Variants in DCLRE1C observed in about 807,000 individuals in gnomAD.
DCLRE1C encodes protein artemis.
A neutral mutation model predicts 61.4 loss-of-function variants in DCLRE1C; 47 were observed. The ratio of observed to expected loss-of-function variants is 0.77; its 90% CI spans 0.61 to 0.98. The LOEUF (loss-of-function observed/expected upper bound fraction) is 0.98. Among genes scored for constraint, DCLRE1C ranks in the 50% least tolerant of loss-of-function variants. DCLRE1C has a pLI of 0.00. For synonymous variants in DCLRE1C, 337 were observed against 287.6 expected (o/e 1.17, Z -1.74); for missense variants, 858 against 816.0 (o/e 1.05, Z -0.63).
intron 12 of DCLRE1C, among the ~76,000 whole-genome samples, chr10:14,922,114 A>AG (rs1837216015): frequency 6.6e-6 from 1 of 152,188 alleles, no homozygotes; most frequent in Non-Finnish European, 1.5e-5. Context: ...TTGGAACCCA[A>AG]GCTCCATTCC....
intron 13 of DCLRE1C, among the ~76,000 whole-genome samples, chr10:14,914,420 C>T (rs916210428): frequency 2.0e-5 from 3 of 152,176 alleles, no homozygotes; most frequent in Non-Finnish European, 4.4e-5. Context: ...GGCAAGTCCA[C>T]AATTACAACT....
intron 11 of DCLRE1C, among the ~76,000 whole-genome samples, chr10:14,924,263 C>T (rs1837592512): frequency 2.6e-5 from 4 of 152,368 alleles, no homozygotes; most frequent in Middle Eastern, 3.4e-3. Context: ...AGACTGTGCA[C>T]ATAGACTGCC....
chr10:14,941,772 G>A (rs891930282), intron 3 of DCLRE1C, among the ~76,000 whole-genome samples: 5 of 152,022 alleles, frequency 3.3e-5, no homozygotes, highest in African/African-American at 4.8e-5. Context: ...TAAGTGTCAT[G>A]AGCACCCCCC....
chr10:14,899,331 T>C, intron 13 of DCLRE1C: 2 of 688,732 alleles, frequency 2.9e-6, no homozygotes, highest in Admixed American at 2.2e-5. Context: ...AAAAAAAAGG[T>C]CATCAGTCTT....
chr10:14,923,264 C>G (rs1317330388), intron 11 of DCLRE1C, 195 bp from the exon 12 acceptor site: 1 of 581,966 alleles, frequency 1.7e-6, no homozygotes, highest in Non-Finnish European at 3.1e-6. Flanking sequence ...CCAAAGATCT[C>G]CTGAACACTG....
In DCLRE1C at chr10:14,936,519, A is replaced by T. The variant is rs376946731; in HGVS notation, c.362+19T>A. 57 of 1,604,012 alleles carry T rather than the reference A, an allele frequency of 3.6e-5. No individual in the cohort carries two copies. The highest frequency in any genetic ancestry group is 4.6e-5 in the Non-Finnish European group (54 of 1,171,288). Reference sequence around the variant, plus strand: ...TGTGTCTACATATAATAAAATGACAAAATAAATGACCCCCTTACATAACTG... The same window carrying T: ...TGTGTCTACATATAATAAAATGACATAATAAATGACCCCCTTACATAACTG... On this transcript the variant is annotated intron_variant, in intron 5 of 13. Coordinates refer to ENST00000378278, the MANE Select transcript of DCLRE1C (RefSeq NM_001033855.3).
chr10:14,945,023 CTG>C (rs1841462108), intron 3 of DCLRE1C, 80 bp downstream of exon 3: 1 of 1,066,990 alleles, frequency 9.4e-7, no homozygotes, highest in African/African-American at 1.6e-5. Flanking sequence ...ATGTTACAAA[CTG>C]AGGCAAAGTT....
intron 12 of DCLRE1C, among the ~76,000 whole-genome samples, chr10:14,920,812 T>C (rs12573229): frequency 0.091 from 13,845 of 151,814 alleles, 1,282 homozygotes; most frequent in East Asian, 0.28. Context: ...TAAGACCCCG[T>C]CTCTATTAAA....
At position 14,937,577 on chromosome 10, in the gene DCLRE1C, C is replaced by G. The variant is rs996387009; in HGVS notation, c.307-984G>C. On this transcript the variant is annotated intron_variant, in intron 4 of 13. Coordinates refer to ENST00000378278, the MANE Select transcript of DCLRE1C (RefSeq NM_001033855.3). ...GGGATTACAGGTGAGAGCCACCAAGCCCGGCCACTATTTAACAATTTTTAA... is the reference window on the plus strand; with the variant it reads ...GGGATTACAGGTGAGAGCCACCAAGGCCGGCCACTATTTAACAATTTTTAA... Among the ~76,000 whole-genome samples, 16 of 152,218 alleles carry G rather than the reference C, an allele frequency of 1.1e-4. 1 individual carries two copies. The highest frequency in any genetic ancestry group is 3.6e-4 in the African/African-American group (15 of 41,550).
At chr10:14,937,250 G>A (rs1373866890) in intron 4 of DCLRE1C, among the ~76,000 whole-genome samples, 1 of 149,654 alleles carries the variant, frequency 6.7e-6, no homozygotes, top group Non-Finnish European at 1.5e-5. Flanking sequence ...ACAAGTGTGT[G>A]ACTCGATTTC....
chr10:14,927,216 T>C (rs1564415957), intron 10 of DCLRE1C, among the ~76,000 whole-genome samples: 2 of 152,204 alleles, frequency 1.3e-5, no homozygotes, highest in East Asian at 3.9e-4. Flanking sequence ...ACTCTGTCTC[T>C]ACTGAAAACA....
At chr10:14,933,221 G>A (rs1412296603) in intron 8 of DCLRE1C, among the ~76,000 whole-genome samples, 3 of 152,300 alleles carry the variant, frequency 2.0e-5, no homozygotes, top group East Asian at 3.9e-4. Context: ...TGATGTTAAT[G>A]TTGTCCTTCA....
At chr10:14,913,449 A>G (rs1338483862) in intron 13 of DCLRE1C, among the ~76,000 whole-genome samples, 2 of 152,262 alleles carry the variant, frequency 1.3e-5, no homozygotes, top group South Asian at 2.1e-4. Flanking sequence ...TATAAAGTTA[A>G]TAACAGAGAA....
chr10:14,954,055 A>C lies in DCLRE1C; in HGVS notation c.-45T>G, dbSNP rs535919577. 9.9e-6 allele frequency: 16 copies of C among 1,611,050 alleles called. No homozygotes were observed. The African/African-American group carries it at 2.0e-4, about 20-fold the overall frequency. On this transcript the variant is annotated 5_prime_UTR_variant, in exon 1 of 14. Transcript: ENST00000378278. ...TCCGGGACCCCAAAACCGCAGCTGAAGCCAAGGCCAGCCCTGACCGCGCCG... is the reference window on the plus strand; with the variant it reads ...TCCGGGACCCCAAAACCGCAGCTGACGCCAAGGCCAGCCCTGACCGCGCCG...
At chr10:14,952,671 T>C (rs1305015776) in intron 1 of DCLRE1C, among the ~76,000 whole-genome samples, 2 of 152,000 alleles carry the variant, frequency 1.3e-5, no homozygotes, top group African/African-American at 4.8e-5. Flanking sequence ...TGTGCCACAC[T>C]GTACTCCAGC....
At position 14,904,907 on chromosome 10, in the gene DCLRE1C, T is replaced by G. The variant is rs1194342486; in HGVS notation, c.*3501A>C. On this transcript the variant is annotated 3_prime_UTR_variant, in exon 14 of 14. Coordinates refer to ENST00000378278, the MANE Select transcript of DCLRE1C (RefSeq NM_001033855.3). ...ATACCATCATTTTCAGGATCTACAT[T>G]AAGAGGATGGTGATACATAATTAGT... Among the ~76,000 whole-genome samples the G allele has an allele frequency of 6.6e-6, 1 of 152,234 alleles. No individual in the cohort carries two copies. The highest frequency in any genetic ancestry group is 1.5e-5 in the Non-Finnish European group (1 of 68,034).
intron 1 of DCLRE1C, among the ~76,000 whole-genome samples, chr10:14,949,393 A>G (rs113293749): frequency 3.3e-5 from 5 of 152,030 alleles, no homozygotes; most frequent in African/African-American, 9.7e-5. Context: ...CTAGCCCTCC[A>G]CTCTTACTTC....
At chr10:14,931,273 G>A (rs1250832031) in intron 9 of DCLRE1C, among the ~76,000 whole-genome samples, 2 of 152,012 alleles carry the variant, frequency 1.3e-5, no homozygotes, top group East Asian at 1.9e-4. Context: ...ATTAGAAAAC[G>A]AATGAGGCTG....
downstream of DCLRE1C, chr10:14,903,925 T>C (rs1270011605): frequency 6.6e-6 from 1 of 152,222 alleles, no homozygotes; most frequent in African/African-American, 2.4e-5. Context: ...ATTCATTATA[T>C]TGCTATGACA....
Sources: allele counts gnomAD v4.1 joint callset (sites outside exome capture counted in the v4.1 genomes callset), GRCh38; gene constraint gnomAD v4.1.1; transcripts MANE v1.5; gene names NCBI Gene and HGNC (gene_info 2026-07-23, HGNC 2026-07-21).